KCTD2: variants seen among roughly 807,000 people sequenced by gnomAD.
KCTD2 encodes BTB/POZ domain-containing protein KCTD2.
In KCTD2, 18 loss-of-function variants were observed where a neutral mutation model predicts 27.9. The ratio of observed to expected loss-of-function variants is 0.64; its 90% CI spans 0.45 to 0.96. The LOEUF (loss-of-function observed/expected upper bound fraction) is 0.96. Ranked by LOEUF, KCTD2 falls within the 40% of genes least tolerant of loss-of-function variation. The pLI, the probability that KCTD2 is intolerant of heterozygous loss-of-function variation, is 0.00. For missense variants in KCTD2, 280 were observed against 348.0 expected (o/e 0.80, Z 1.56); for synonymous variants, 175 against 148.4 (o/e 1.18, Z -1.30).
At chr17:75,050,842 C>G (rs931503656) in intron 2 of KCTD2, among the ~76,000 whole-genome samples, 1 of 151,756 alleles carries the variant, frequency 6.6e-6, no homozygotes, top group Non-Finnish European at 1.5e-5. Context: ...ATGGGGAGAT[C>G]TTTTTGTTGT....
chr17:75,058,925 G>A (rs1221373749), intron 3 of KCTD2, among the ~76,000 whole-genome samples: 2 of 151,502 alleles, frequency 1.3e-5, no homozygotes, highest in Non-Finnish European at 2.9e-5. Context: ...GTGAAACCCC[G>A]TCTCTACTAA....
intron 4 of KCTD2, chr17:75,060,386 G>T (rs2073391965): frequency 6.8e-7 from 1 of 1,469,990 alleles, no homozygotes; most frequent in South Asian, 1.3e-5. Context: ...ACATTCAAGT[G>T]ATCCTCTGCC....
intron 4 of KCTD2, among the ~76,000 whole-genome samples, chr17:75,061,372 C>T (rs148020009): frequency 2.0e-5 from 3 of 152,288 alleles, no homozygotes; most frequent in East Asian, 1.9e-4. Context: ...ATGCTGGGCA[C>T]GGTGGTTCAC....
chr17:75,044,475 G>A (rs1296724398), upstream of KCTD2, among the ~76,000 whole-genome samples: 2 of 118,934 alleles, frequency 1.7e-5, no homozygotes, highest in African/African-American at 1.2e-4. Context: ...AAAGTGCTGG[G>A]ATTATAGGCG....
chr17:75,047,639 C>T (rs778470297), intron 1 of KCTD2, 50 bp downstream of exon 1: 2 of 1,557,802 alleles, frequency 1.3e-6, no homozygotes, highest in Non-Finnish European at 1.7e-6. Flanking sequence ...CCCCTGGTTT[C>T]TCGTAGATCG....
chr17:75,045,483 A>AT (rs2073204930), upstream of KCTD2, among the ~76,000 whole-genome samples: 1 of 152,250 alleles, frequency 6.6e-6, no homozygotes, highest in Non-Finnish European at 1.5e-5. Context: ...AGTCTCAACC[A>AT]TAAGAGACAG....
At chr17:75,054,419 T>C (rs1342312379) in intron 3 of KCTD2, among the ~76,000 whole-genome samples, 4 of 152,208 alleles carry the variant, frequency 2.6e-5, no homozygotes, top group Admixed American at 2.6e-4. Flanking sequence ...CATCCTGCCA[T>C]TCGTCATATG....
At chr17:75,049,158 C>G (rs1448440032) in intron 1 of KCTD2, 62 bp from the exon 2 acceptor site, 1 of 980,452 alleles carries the variant, frequency 1.0e-6, no homozygotes, top group Non-Finnish European at 1.5e-6. Flanking sequence ...GAAATCCTGC[C>G]CTGCCTTTGT....
At chr17:75,049,023 A>C in intron 1 of KCTD2, 197 bp from the exon 2 acceptor site, 1 of 484,772 alleles carries the variant, frequency 2.1e-6, no homozygotes, top group Non-Finnish European at 3.7e-6. Flanking sequence ...TTAATGTACA[A>C]GATACATAAA....
chr17:75,047,293 G>C lies in KCTD2; in HGVS notation c.43G>C (p.Gly15Arg), dbSNP rs1315631090. ...GGACCCGGCGATGGCGGGGCTGGGA[G>C]GGGGCGGCGGGAGTGGGGTGGGCGA... ...QLDPAMAGLG[G>R]GGGSGVGDGG... The change falls in exon 1 of 6, where the codon GGG becomes CGG. Residue 15 changes from glycine (G) to arginine (R), a missense_variant. Transcript: ENST00000322444. The C allele has an allele frequency of 5.2e-6, 6 of 1,154,932 alleles. No homozygotes were observed. The highest frequency in any genetic ancestry group is 6.5e-6 in the Non-Finnish European group (6 of 930,030). The allele number at this position is 1,154,932 out of a possible 1,614,324, so 71.5% of individuals were successfully genotyped here. A position where few individuals can be genotyped will look rare whatever the true frequency, so the allele number is the denominator to read the frequency against.
At chr17:75,056,915 C>G (rs1312511598) in intron 3 of KCTD2, among the ~76,000 whole-genome samples, 1 of 151,056 alleles carries the variant, frequency 6.6e-6, no homozygotes, top group African/African-American at 2.4e-5. Flanking sequence ...TGGCTGCCAC[C>G]TAACTACTTT....
Sources: gnomAD v4.1 joint callset for allele counts (sites outside exome capture counted in the v4.1 genomes callset) on GRCh38, gnomAD v4.1.1 for gene constraint, MANE v1.5 for transcripts, NCBI Gene and HGNC (gene_info 2026-07-23, HGNC 2026-07-21) for gene names.